The following ST8SIA6 variants were observed in gnomAD, a reference collection of about 807,000 sequenced individuals.
The protein encoded by ST8SIA6 is ST8 alpha-N-acetyl-neuraminide alpha-2,8-sialyltransferase 6.
In ST8SIA6, 39 loss-of-function variants were observed where a neutral mutation model predicts 33.6. That is an observed-to-expected ratio of 1.16 (90% CI 0.90 to 1.52). ST8SIA6 has a LOEUF of 1.52. ST8SIA6 is among the 40% of genes most tolerant of loss of function. The pLI is 0.00. For synonymous variants in ST8SIA6, 172 were observed against 167.2 expected (o/e 1.03, Z -0.22); for missense variants, 441 against 443.8 (o/e 0.99, Z 0.06).
At chr10:17,440,830 G>GT (rs1206652428) in intron 2 of ST8SIA6, among the ~76,000 whole-genome samples, 2 of 152,136 alleles carry the variant, frequency 1.3e-5, no homozygotes, top group Admixed American at 1.3e-4. Context: ...TCTTATTGGG[G>GT]TTTTGGTTTG....
intron 4 of ST8SIA6, among the ~76,000 whole-genome samples, chr10:17,335,058 G>A (rs992307469): frequency 1.3e-5 from 2 of 152,112 alleles, no homozygotes; most frequent in African/African-American, 2.4e-5. Context: ...AATACTTCAC[G>A]TACTTGAAAA....
chr10:17,444,175 C>G (rs1852612871), intron 2 of ST8SIA6, among the ~76,000 whole-genome samples: 1 of 152,050 alleles, frequency 6.6e-6, no homozygotes, highest in South Asian at 2.1e-4. Flanking sequence ...ATGCCTGTTG[C>G]CTTAAAGGAA....
intron 2 of ST8SIA6, chr10:17,413,645 A>G (rs1025557816): frequency 2.6e-5 from 4 of 152,224 alleles, no homozygotes; most frequent in Admixed American, 2.6e-4. Context: ...TGGCCCTAGA[A>G]TTGGGCCAGA....
intron 4 of ST8SIA6, among the ~76,000 whole-genome samples, chr10:17,345,177 A>T (rs1848794514): frequency 6.6e-6 from 1 of 152,192 alleles, no homozygotes; most frequent in Admixed American, 6.5e-5. Context: ...GCAAGGGGTG[A>T]GACTGCAGCA....
At chr10:17,437,127 A>T (rs1852291303) in intron 2 of ST8SIA6, among the ~76,000 whole-genome samples, 1 of 151,858 alleles carries the variant, frequency 6.6e-6, no homozygotes, top group Admixed American at 6.6e-5. Context: ...CATTTCACTT[A>T]CAGATTCATT....
chr10:17,346,433 C>G (rs1028751207), intron 4 of ST8SIA6, among the ~76,000 whole-genome samples: 4 of 152,124 alleles, frequency 2.6e-5, no homozygotes, highest in Admixed American at 1.3e-4. Flanking sequence ...ATCTTTACAA[C>G]AATTTCAAAA....
intron 4 of ST8SIA6, among the ~76,000 whole-genome samples, chr10:17,331,929 C>A (rs990812610): frequency 6.6e-6 from 1 of 152,138 alleles, no homozygotes; most frequent in African/African-American, 2.4e-5. Flanking sequence ...AGGTATTTGT[C>A]CCAATGCTCT....
intron 6 of ST8SIA6, among the ~76,000 whole-genome samples, chr10:17,325,371 A>T (rs1369579443): frequency 6.8e-6 from 1 of 147,440 alleles, no homozygotes; most frequent in South Asian, 2.1e-4. Context: ...ATACTACTGG[A>T]TTATATGTAT....
intron 3 of ST8SIA6, among the ~76,000 whole-genome samples, chr10:17,389,773 T>C (rs887391036): frequency 1.3e-5 from 2 of 152,100 alleles, no homozygotes; most frequent in Non-Finnish European, 2.9e-5. Context: ...CTCAAAAGGA[T>C]TGGGGGCCTA....
intron 2 of ST8SIA6, among the ~76,000 whole-genome samples, chr10:17,430,832 G>A (rs1423031449): frequency 1.3e-5 from 2 of 152,152 alleles, no homozygotes; most frequent in African/African-American, 4.8e-5. Flanking sequence ...CATTCTGTGG[G>A]TTGTCTATTT....
intron 7 of ST8SIA6, among the ~76,000 whole-genome samples, chr10:17,322,247 A>G (rs896772052): frequency 6.7e-6 from 1 of 150,114 alleles, no homozygotes; most frequent in Non-Finnish European, 1.5e-5. Flanking sequence ...AAAGAGAAAA[A>G]GAAAGGAAAA....
At chr10:17,411,093 G>A (rs940134334) in intron 2 of ST8SIA6, among the ~76,000 whole-genome samples, 2 of 152,048 alleles carry the variant, frequency 1.3e-5, no homozygotes, top group East Asian at 1.9e-4. Context: ...TGTGGTAGTC[G>A]GTTCTGAGAA....
chr10:17,413,732 C>T (rs1356322333), intron 2 of ST8SIA6, among the ~76,000 whole-genome samples: 1 of 151,396 alleles, frequency 6.6e-6, no homozygotes, highest in East Asian at 1.9e-4. Context: ...TTATCATTTA[C>T]ATATTATGAT....
intron 3 of ST8SIA6, among the ~76,000 whole-genome samples, chr10:17,360,439 G>A (rs372630185): frequency 2.6e-5 from 4 of 151,832 alleles, no homozygotes; most frequent in Admixed American, 2.0e-4. Flanking sequence ...TACTGGGAAC[G>A]GAAAATATTC....
At chr10:17,358,062 G>A (rs193278847) in intron 4 of ST8SIA6, among the ~76,000 whole-genome samples, 6 of 152,244 alleles carry the variant, frequency 3.9e-5, no homozygotes, top group African/African-American at 1.4e-4. Flanking sequence ...AAATGAAATC[G>A]TTAAACAGGA....
At chr10:17,373,366 C>T (rs76310492) in intron 3 of ST8SIA6, among the ~76,000 whole-genome samples, 3,589 of 152,280 alleles carry the variant, frequency 0.024, 111 homozygotes, top group East Asian at 0.084. Flanking sequence ...ATAGCACATG[C>T]ATTTGACTCC....
At chr10:17,325,502 CAT>C (rs1428414798) in intron 6 of ST8SIA6, among the ~76,000 whole-genome samples, 2 of 150,204 alleles carry the variant, frequency 1.3e-5, no homozygotes, top group African/African-American at 4.9e-5. Context: ...TACTGTAATA[CAT>C]ATATGTGTAT....
intron 4 of ST8SIA6, among the ~76,000 whole-genome samples, chr10:17,349,361 A>G (rs137908197): frequency 7.9e-5 from 12 of 152,358 alleles, no homozygotes; most frequent in Non-Finnish European, 1.5e-4. Flanking sequence ...TTTATTGCAG[A>G]TACCAAGAGT....
Position 17,315,854 on chromosome 10 carries a change from A to G in ST8SIA6, c.*5024T>C, listed in dbSNP as rs1044284010. The stretch of plus-strand genomic sequence containing the variant: ...GAGAGACGGTTTCATGGGTATATGC[A>G]TGTACATAAATATGTGCCATTTATT... On this transcript the variant is annotated 3_prime_UTR_variant, in exon 8 of 8. Coordinates refer to ENST00000377602, the MANE Select transcript of ST8SIA6 (RefSeq NM_001004470.3). 1.3e-5 allele frequency among the ~76,000 whole-genome samples: 2 copies of G among 151,996 alleles called. No homozygotes were observed. The highest frequency in any genetic ancestry group is 2.9e-5 in the Non-Finnish European group (2 of 67,908).
Sources: gnomAD v4.1 joint callset for allele counts (sites outside exome capture counted in the v4.1 genomes callset) on GRCh38, gnomAD v4.1.1 for gene constraint, MANE v1.5 for transcripts, NCBI Gene and HGNC (gene_info 2026-07-23, HGNC 2026-07-21) for gene names.